The following DPP6 variants were observed in gnomAD, a reference collection of about 807,000 sequenced individuals.
The protein encoded by DPP6 is A-type potassium channel modulatory protein DPP6.
DPP6 carries 69 observed loss-of-function variants against 122.6 expected under a neutral mutation model. That is an observed-to-expected ratio of 0.56 (90% confidence interval 0.46 to 0.69). The LOEUF (loss-of-function observed/expected upper bound fraction) is 0.69, where lower values mean the gene tolerates loss of function less well. Ranked by LOEUF, DPP6 falls within the 30% of genes least tolerant of loss-of-function variation. The probability of loss-of-function intolerance (pLI) is 0.00; values close to 1 mark genes in which losing one functional copy is unlikely to be tolerated. For missense variants in DPP6, 928 were observed against 1,116.9 expected, an observed-to-expected ratio of 0.83 and a Z score of 2.41; for synonymous variants, 418 against 433.1, an observed-to-expected ratio of 0.97 and a Z score of 0.43.
At chr7:154,334,272 G>T (rs977350356) in intron 1 of DPP6, among the ~76,000 whole-genome samples, 3 of 152,126 alleles carry the variant, frequency 2.0e-5, no homozygotes, top group Admixed American at 2.0e-4. Context: ...GCTCTGCCAG[G>T]AATGTGCCCT....
At chr7:153,903,561 GATT>G (rs1799727375) in intron 1 of DPP6, among the ~76,000 whole-genome samples, 1 of 152,142 alleles carries the variant, frequency 6.6e-6, no homozygotes, top group Admixed American at 6.6e-5. Flanking sequence ...GAAGAGAAGA[GATT>G]AAGCATTGGG....
At chr7:154,550,813 C>T (rs141325819) in intron 4 of DPP6, among the ~76,000 whole-genome samples, 2,537 of 148,328 alleles carry the variant, frequency 0.017, 69 homozygotes, top group African/African-American at 0.058. Context: ...TGCAATGGCG[C>T]GATCTCGGCT....
the DPP6 span, among the ~76,000 whole-genome samples, chr7:153,864,394 C>G: frequency 2.0e-5 from 3 of 152,046 alleles, no homozygotes; most frequent in Admixed American, 6.6e-5. Flanking sequence ...GTGGCTCACA[C>G]TTCTAATCCC....
intron 1 of DPP6, among the ~76,000 whole-genome samples, chr7:154,409,969 G>A (rs984822978): frequency 2.0e-5 from 3 of 152,192 alleles, no homozygotes; most frequent in African/African-American, 7.2e-5. Flanking sequence ...GGAGAAAATA[G>A]ACAAGAACAT....
intron 5 of DPP6, among the ~76,000 whole-genome samples, chr7:154,592,251 C>T (rs1832846212): frequency 6.6e-6 from 1 of 152,218 alleles, no homozygotes; most frequent in South Asian, 2.1e-4. Context: ...TGGCTTAAGA[C>T]ACTGCTTATC....
intron 1 of DPP6, among the ~76,000 whole-genome samples, chr7:153,895,856 T>C (rs188747555): frequency 6.6e-6 from 1 of 152,284 alleles, no homozygotes; most frequent in African/African-American, 2.4e-5. Flanking sequence ...TGCAATCACT[T>C]TGACTGCTTG....
intron 1 of DPP6, among the ~76,000 whole-genome samples, chr7:154,284,467 A>G (rs371234990): frequency 6.6e-6 from 1 of 152,266 alleles, no homozygotes; most frequent in Admixed American, 6.5e-5. Context: ...GGATGGATCA[A>G]TAAAATGTGG....
intron 4 of DPP6, among the ~76,000 whole-genome samples, chr7:154,545,635 C>T (rs1829126148): frequency 6.6e-6 from 1 of 152,132 alleles, no homozygotes; most frequent in African/African-American, 2.4e-5. Flanking sequence ...TCTTTTAAAA[C>T]ATAATAGAGC....
chr7:153,862,558 GT>G, the DPP6 span, among the ~76,000 whole-genome samples: 1 of 152,068 alleles, frequency 6.6e-6, no homozygotes, highest in Non-Finnish European at 1.5e-5. Flanking sequence ...TTTTTGTTTT[GT>G]TTTATTTTGT....
chr7:153,893,707 A>C (rs1799298682), intron 1 of DPP6, among the ~76,000 whole-genome samples: 1 of 152,246 alleles, frequency 6.6e-6, no homozygotes, highest in South Asian at 2.1e-4. Context: ...AAATATAGAG[A>C]GCAATCTCTC....
intron 1 of DPP6, among the ~76,000 whole-genome samples, chr7:154,386,011 A>T (rs1355974786): frequency 6.6e-6 from 1 of 152,134 alleles, no homozygotes; most frequent in Non-Finnish European, 1.5e-5. Context: ...TTCTTCCAGA[A>T]AGCCAACCCT....
At chr7:154,143,267 T>C (rs1272719594) in intron 1 of DPP6, among the ~76,000 whole-genome samples, 1 of 152,210 alleles carries the variant, frequency 6.6e-6, no homozygotes, top group African/African-American at 2.4e-5. Context: ...TTTCTGACCG[T>C]TCCCAATCCT....
rs1413715370 is a variant in DPP6 at position 154,307,771 on chromosome 7, T to G, written c.244-138443T>G. ...ATGAGTTCTCCATTCTTTATTTTAT[T>G]TTATTTTCCTGGTTGCTAATGAAAC... On this transcript the variant is annotated intron_variant, in intron 1 of 25. Transcript: ENST00000377770. Among the ~76,000 whole-genome samples, 3 of 152,280 alleles carry G rather than the reference T, an allele frequency of 2.0e-5. No homozygotes were observed. The East Asian group carries it at 5.8e-4, about 29-fold the overall frequency.
chr7:154,698,720 C>G (rs984476390), intron 7 of DPP6, among the ~76,000 whole-genome samples: 14 of 152,052 alleles, frequency 9.2e-5, no homozygotes, highest in Non-Finnish European at 1.6e-4. Flanking sequence ...GTGTAAATAA[C>G]CAAAAAGCTC....
chr7:154,064,192 A>G (rs536362464), intron 1 of DPP6, among the ~76,000 whole-genome samples: 16 of 152,214 alleles, frequency 1.1e-4, no homozygotes, highest in Admixed American at 1.0e-3. Context: ...TCAGGCTGAC[A>G]ATGTGCTCAC....
the DPP6 span, among the ~76,000 whole-genome samples, chr7:153,851,734 T>C: frequency 6.6e-6 from 1 of 152,152 alleles, no homozygotes; most frequent in Non-Finnish European, 1.5e-5. Context: ...TTCTCCTCCA[T>C]CTTTATTTGC....
At chr7:154,450,610 T>C (rs1421599310) in intron 2 of DPP6, among the ~76,000 whole-genome samples, 7 of 152,108 alleles carry the variant, frequency 4.6e-5, no homozygotes, top group African/African-American at 1.4e-4. Context: ...GCGAGCTTCG[T>C]GAATGGAGCA....
intron 1 of DPP6, among the ~76,000 whole-genome samples, chr7:154,063,382 G>T (rs796807791): frequency 9.5e-5 from 11 of 115,396 alleles, no homozygotes; most frequent in Non-Finnish European, 1.6e-4. Flanking sequence ...CCCCCACGAG[G>T]GTGGGGACTG....
intron 10 of DPP6, among the ~76,000 whole-genome samples, chr7:154,784,003 G>A (rs1797185142): frequency 6.6e-6 from 1 of 152,038 alleles, no homozygotes; most frequent in African/African-American, 2.4e-5. Flanking sequence ...ATTTTCTATA[G>A]GGGCAAAGAC....
Sources: gnomAD v4.1 joint callset for allele counts (sites outside exome capture counted in the v4.1 genomes callset) on GRCh38, gnomAD v4.1.1 for gene constraint, MANE v1.5 for transcripts, NCBI Gene and HGNC (gene_info 2026-07-23, HGNC 2026-07-21) for gene names.